Variants in TMPRSS11A observed in about 807,000 individuals in gnomAD.
The protein encoded by TMPRSS11A is transmembrane serine protease 11A.
TMPRSS11A carries 53 observed loss-of-function variants against 58.9 expected under a neutral mutation model. That is an observed-to-expected ratio of 0.90 (90% CI 0.72 to 1.13). The LOEUF (loss-of-function observed/expected upper bound fraction) is 1.13. TMPRSS11A is among the 50% of genes most tolerant of loss of function. The probability of loss-of-function intolerance (pLI) is 0.00; values close to 1 mark genes in which losing one functional copy is unlikely to be tolerated. For missense variants in TMPRSS11A, 493 were observed against 499.3 expected (o/e 0.99, Z 0.12); for synonymous variants, 167 against 169.8 (o/e 0.98, Z 0.13).
At chr4:67,914,225 T>C (rs1424028897) in intron 9 of TMPRSS11A, among the ~76,000 whole-genome samples, 3 of 152,258 alleles carry the variant, frequency 2.0e-5, no homozygotes, top group South Asian at 2.1e-4. Context: ...GTTCCAAAAA[T>C]GTTTCCTTCA....
At chr4:67,959,972 G>A (rs1295765897) in intron 1 of TMPRSS11A, among the ~76,000 whole-genome samples, 1 of 152,172 alleles carries the variant, frequency 6.6e-6, no homozygotes. Context: ...TATACACCAT[G>A]GAATACTATG....
At position 67,909,790 on chromosome 4, in the gene TMPRSS11A, T is replaced by C. The variant is rs567069859; in HGVS notation, c.*1552A>G. ...AGAATTCAATAAAAATAGTTAAGAA[T>C]ATACTCATATTCTTAAACATAACAT... On this transcript the variant is annotated 3_prime_UTR_variant, in exon 10 of 10. Coordinates refer to ENST00000508048, the MANE Select transcript of TMPRSS11A (RefSeq NM_001114387.2). 6.6e-6 allele frequency: 1 copy of C among 152,264 alleles called. No individual in the cohort carries two copies. The highest frequency in any genetic ancestry group is 2.4e-5 in the African/African-American group (1 of 41,574). 9.4% of individuals were successfully genotyped at this position (152,264 alleles called of 1,614,324 possible). A position where few individuals can be genotyped will look rare whatever the true frequency, so the allele number is the denominator to read the frequency against.
rs1289877788 is a variant in TMPRSS11A, at chr4:67,963,394, G to A, written c.-1C>T. On this transcript the variant is annotated 5_prime_UTR_variant, in exon 1 of 10. Transcript: ENST00000508048. ...AGAACTGAACTTACCGATACATCAT[G>A]TACAGGAGGAAGAATATGATCTTGC... is the stretch of plus-strand genomic sequence containing the variant. The A allele has an allele frequency of 6.2e-7, 1 of 1,613,512 alleles. No individual in the cohort carries two copies. The highest frequency in any genetic ancestry group is 1.3e-5 in the African/African-American group (1 of 74,902).
chr4:67,915,536 T>G, intron 8 of TMPRSS11A, among the ~76,000 whole-genome samples: 1 of 152,150 alleles, frequency 6.6e-6, no homozygotes, highest in Non-Finnish European at 1.5e-5. Context: ...GATGAGGGAA[T>G]TTTACAGATG....
chr4:67,914,487 C>G, intron 9 of TMPRSS11A, 101 bp downstream of exon 9: 1 of 1,091,492 alleles, frequency 9.2e-7, no homozygotes, highest in Non-Finnish European at 1.3e-6. Context: ...TTTGAGCTGA[C>G]ATGATATCTA....
intron 3 of TMPRSS11A, among the ~76,000 whole-genome samples, chr4:67,936,138 A>G (rs936274425): frequency 6.6e-6 from 1 of 152,048 alleles, no homozygotes; most frequent in African/African-American, 2.4e-5. Flanking sequence ...CCTCAGGATG[A>G]GCATGCAGGT....
At chr4:67,932,136 A>G in intron 3 of TMPRSS11A, 76 bp from the exon 4 acceptor site, 1 of 829,962 alleles carries the variant, frequency 1.2e-6, no homozygotes, top group African/African-American at 1.7e-5. Context: ...TTAAATGTTA[A>G]AGCAATCAAA....
intron 1 of TMPRSS11A, among the ~76,000 whole-genome samples, chr4:67,961,704 G>A (rs1278795011): frequency 6.6e-6 from 1 of 151,404 alleles, no homozygotes; most frequent in African/African-American, 2.4e-5. Flanking sequence ...GTAGAGATGG[G>A]GTTTCACTAT....
In TMPRSS11A at chr4:67,946,586, G is replaced by T; in HGVS notation, c.12-15C>A. 2 of 1,602,508 alleles carry T rather than the reference G, an allele frequency of 1.2e-6. No homozygotes were observed. Among genetic ancestry groups the T allele is most frequent in the South Asian group, 1.1e-5 (1 of 88,898 alleles). On this transcript the variant is annotated splice_polypyrimidine_tract_variant and intron_variant, in intron 1 of 9. Transcript: ENST00000508048. The stretch of plus-strand genomic sequence containing the variant: ...ATCCCACTGTCCTGAGAAAAGGAAG[G>T]GCCCACTGGTTACTCTCAGATAGCA...
intron 1 of TMPRSS11A, among the ~76,000 whole-genome samples, chr4:67,954,799 T>C (rs139218784): frequency 1.1e-4 from 16 of 152,322 alleles, no homozygotes; most frequent in African/African-American, 3.1e-4. Context: ...AGCTTTGCAA[T>C]GTGAGGCAAA....
chr4:67,915,368 C>G (rs1720118755), intron 8 of TMPRSS11A, among the ~76,000 whole-genome samples: 1 of 152,076 alleles, frequency 6.6e-6, no homozygotes. Context: ...ATTCTTTATA[C>G]CAAACCATAT....
At chr4:67,936,417 G>A (rs944680230) in intron 3 of TMPRSS11A, among the ~76,000 whole-genome samples, 3 of 151,150 alleles carry the variant, frequency 2.0e-5, no homozygotes, top group African/African-American at 7.3e-5. Context: ...TGAGCACTGA[G>A]TGATGCTCAC....
intron 5 of TMPRSS11A, among the ~76,000 whole-genome samples, chr4:67,925,979 G>A (rs746953636): frequency 1.2e-3 from 182 of 152,332 alleles, no homozygotes; most frequent in Admixed American, 2.0e-3. Flanking sequence ...TCCTGGTATA[G>A]AAATGGAAAT....
chr4:67,929,795 G>A, intron 5 of TMPRSS11A, 85 bp downstream of exon 5: 1 of 1,212,060 alleles, frequency 8.3e-7, no homozygotes, highest in Non-Finnish European at 1.1e-6. Context: ...TATTTGAAAT[G>A]GAAATAATGA....
chr4:67,911,084 A>G lies in TMPRSS11A; in HGVS notation c.*258T>C. On this transcript the variant is annotated 3_prime_UTR_variant, in exon 10 of 10. Transcript: ENST00000508048. ...TGTATTGAGTCTCACTGGTACTTCA[A>G]CATTCGTGATTTAAAGAGCTAAGTA... 1 of 318,986 alleles carries G rather than the reference A, an allele frequency of 3.1e-6. No individual in the cohort carries two copies. Among genetic ancestry groups the G allele is most frequent in the Non-Finnish European group, 5.8e-6 (1 of 172,900 alleles). The allele number at this position is 318,986 out of a possible 1,614,324, so 19.8% of individuals were successfully genotyped here. A position where few individuals can be genotyped will look rare whatever the true frequency, so the allele number is the denominator to read the frequency against.
intron 5 of TMPRSS11A, among the ~76,000 whole-genome samples, chr4:67,928,153 T>C (rs533613702): frequency 1.3e-5 from 2 of 152,352 alleles, no homozygotes; most frequent in South Asian, 2.1e-4. Context: ...CAAGTGATTC[T>C]TCCCCCTCAG....
intron 4 of TMPRSS11A, among the ~76,000 whole-genome samples, chr4:67,930,502 G>A (rs1381045038): frequency 1.3e-5 from 2 of 152,018 alleles, no homozygotes; most frequent in Admixed American, 1.3e-4. Context: ...TCATCATTTT[G>A]AGTTGAAATA....
chr4:67,917,253 A>G (rs1261752288), intron 8 of TMPRSS11A, among the ~76,000 whole-genome samples: 4 of 152,072 alleles, frequency 2.6e-5, no homozygotes, highest in Non-Finnish European at 4.4e-5. Context: ...TGCATTTTCT[A>G]TAAATTTCCC....
chr4:67,910,807 CA>C lies in TMPRSS11A; in HGVS notation c.*534del, dbSNP rs1719951220. On this transcript the variant is annotated 3_prime_UTR_variant, in exon 10 of 10. Transcript: ENST00000508048. The stretch of plus-strand genomic sequence containing the variant: ...TTTTACTATCAGACTTTGTTTCCTA[CA>C]TATGACTTTCTTTTATTGGTGTCTC... 1 of 151,980 alleles carries C rather than the reference CA, an allele frequency of 6.6e-6. No homozygotes were observed. Among genetic ancestry groups the C allele is most frequent in the South Asian group, 2.1e-4 (1 of 4,836 alleles). The allele number at this position is 151,980 out of a possible 1,614,324, so 9.4% of individuals were successfully genotyped here.
Sources: gnomAD v4.1 joint callset for allele counts (sites outside exome capture counted in the v4.1 genomes callset) on GRCh38, gnomAD v4.1.1 for gene constraint, MANE v1.5 for transcripts, NCBI Gene and HGNC (gene_info 2026-07-23, HGNC 2026-07-21) for gene names.